Variants in HSH2D observed in about 807,000 individuals in gnomAD.
HSH2D encodes the protein hematopoietic SH2 domain containing.
A neutral mutation model predicts 21.5 loss-of-function variants in HSH2D; 16 were observed. The ratio of observed to expected loss-of-function variants is 0.74; its 90% confidence interval spans 0.50 to 1.13. The LOEUF (loss-of-function observed/expected upper bound fraction) is 1.13. HSH2D is among the 50% of genes most tolerant of loss of function. HSH2D has a pLI of 0.00. For missense variants in HSH2D, 418 were observed against 441.4 expected, an observed-to-expected ratio of 0.95 and a Z score of 0.47; for synonymous variants, 172 against 184.7, an observed-to-expected ratio of 0.93 and a Z score of 0.56.
chr19:16,153,657 C>A (rs2091196155), intron 4 of HSH2D, among the ~76,000 whole-genome samples: 1 of 138,682 alleles, frequency 7.2e-6, no homozygotes, highest in Non-Finnish European at 1.5e-5. Context: ...GGTGGAGCAT[C>A]TTTCCTTAGA....
chr19:16,135,356 G>T (rs947043866), intron 1 of HSH2D, among the ~76,000 whole-genome samples: 2 of 151,970 alleles, frequency 1.3e-5, no homozygotes, highest in African/African-American at 2.4e-5. Context: ...TTGAGCCCAG[G>T]AGTTGGAGGC....
chr19:16,156,009 G>A (rs2091232078), intron 5 of HSH2D, among the ~76,000 whole-genome samples: 1 of 147,758 alleles, frequency 6.8e-6, no homozygotes. Flanking sequence ...TGGGGGTGGA[G>A]GACAGTGTCA....
chr19:16,138,042 A>G lies in HSH2D; in HGVS notation c.-324+3807A>G, dbSNP rs549249494. On this transcript the variant is annotated intron_variant, in intron 1 of 7. Transcript: ENST00000616645. ...GCCACCACGCCTGGCTAATTTTTGT[A>G]TTTTTAGTAGAGATGGAGTTTCACC... is the stretch of plus-strand genomic sequence containing the variant. 9.2e-5 allele frequency among the ~76,000 whole-genome samples: 14 copies of G among 151,664 alleles called. 1 individual carries two copies. In the South Asian group the frequency reaches 2.9e-3, roughly 32 times the overall value.
intron 1 of HSH2D, among the ~76,000 whole-genome samples, chr19:16,147,286 A>T (rs1488171628): frequency 6.6e-6 from 1 of 151,680 alleles, no homozygotes; most frequent in Non-Finnish European, 1.5e-5. Context: ...GGAGTTTGAG[A>T]CCAATGTGGG....
At chr19:16,147,734 C>T (rs544991577) in intron 1 of HSH2D, among the ~76,000 whole-genome samples, 1 of 151,668 alleles carries the variant, frequency 6.6e-6, no homozygotes, top group Non-Finnish European at 1.5e-5. Context: ...CAGCCTCCGC[C>T]TCCTGGGGTC....
upstream of HSH2D, among the ~76,000 whole-genome samples, chr19:16,140,581 G>A (rs186557897): frequency 7.0e-4 from 106 of 152,078 alleles, no homozygotes; most frequent in East Asian, 0.02. Flanking sequence ...CTCCAGCCGG[G>A]GCGATAGAAC....
chr19:16,134,929 A>C (rs1022448486), intron 1 of HSH2D, among the ~76,000 whole-genome samples: 1 of 149,550 alleles, frequency 6.7e-6, no homozygotes, highest in African/African-American at 2.4e-5. Context: ...GTTAAAGACC[A>C]TCCTGGACAA....
chr19:16,138,916 T>A (rs1308716487), upstream of HSH2D, among the ~76,000 whole-genome samples: 1 of 151,776 alleles, frequency 6.6e-6, no homozygotes, highest in Non-Finnish European at 1.5e-5. Context: ...TGGAGTGCAG[T>A]GGCATGATCT....
chr19:16,134,960 A>T (rs1419815581), intron 1 of HSH2D, among the ~76,000 whole-genome samples: 4 of 126,214 alleles, frequency 3.2e-5, no homozygotes, highest in East Asian at 4.2e-4. Flanking sequence ...CCCCATCTCT[A>T]AAAAAAAAAA....
chr19:16,145,268 A>G (rs2091052915), intron 1 of HSH2D, among the ~76,000 whole-genome samples: 1 of 151,990 alleles, frequency 6.6e-6, no homozygotes, highest in African/African-American at 2.4e-5. Flanking sequence ...GCTGGAGTGC[A>G]GTGGCTCGAT....
chr19:16,139,507 G>A (rs146983628), upstream of HSH2D, among the ~76,000 whole-genome samples: 244 of 152,284 alleles, frequency 1.6e-3, no homozygotes, highest in Non-Finnish European at 2.1e-3. Flanking sequence ...ACTTGAGCCC[G>A]GGAGTTTGAG....
chr19:16,137,166 G>C (rs1343018380), intron 1 of HSH2D, among the ~76,000 whole-genome samples: 3 of 152,188 alleles, frequency 2.0e-5, no homozygotes, highest in Middle Eastern at 3.4e-3. Flanking sequence ...TGCAAAATAG[G>C]GGGGATCATA....
upstream of HSH2D, among the ~76,000 whole-genome samples, chr19:16,140,434 G>A (rs1283921279): frequency 6.6e-6 from 1 of 152,100 alleles, no homozygotes; most frequent in Non-Finnish European, 1.5e-5. Context: ...GTGAAACCCT[G>A]TCTCTACTAA....
At chr19:16,147,751 T>C (rs1470818881) in intron 1 of HSH2D, among the ~76,000 whole-genome samples, 1 of 151,326 alleles carries the variant, frequency 6.6e-6, no homozygotes, top group Non-Finnish European at 1.5e-5. Flanking sequence ...GGTCAAGTGA[T>C]TCTCGTGCCT....
intron 1 of HSH2D, among the ~76,000 whole-genome samples, chr19:16,137,587 A>G (rs908956219): frequency 1.3e-4 from 19 of 151,524 alleles, no homozygotes; most frequent in Admixed American, 1.0e-3. Flanking sequence ...AAAAAAAAAA[A>G]AAAAGAAAAA....
At chr19:16,147,343 G>C (rs879804641) in intron 1 of HSH2D, among the ~76,000 whole-genome samples, 1 of 151,526 alleles carries the variant, frequency 6.6e-6, no homozygotes, top group Non-Finnish European at 1.5e-5. Flanking sequence ...AATTAGCCAG[G>C]CGTGGTGGCA....
chr19:16,149,015 C>T (rs1438653326), intron 2 of HSH2D, 140 bp downstream of exon 2: 4 of 904,854 alleles, frequency 4.4e-6, no homozygotes, highest in Non-Finnish European at 6.5e-6. Context: ...TCCAGGCTCC[C>T]AGGCTTGAAT....
intron 4 of HSH2D, among the ~76,000 whole-genome samples, chr19:16,153,691 C>G (rs1277478908): frequency 1.3e-5 from 2 of 150,246 alleles, no homozygotes; most frequent in Admixed American, 6.6e-5. Flanking sequence ...TGGCCTGGCT[C>G]CCAATACGCT....
At chr19:16,145,506 C>A (rs1229123714) in intron 1 of HSH2D, among the ~76,000 whole-genome samples, 1 of 152,192 alleles carries the variant, frequency 6.6e-6, no homozygotes, top group Non-Finnish European at 1.5e-5. Context: ...AGCTACTGCA[C>A]CCAGCCTCCA....
Sources: gnomAD v4.1 joint callset for allele counts (sites outside exome capture counted in the v4.1 genomes callset) on GRCh38, gnomAD v4.1.1 for gene constraint, MANE v1.5 for transcripts, NCBI Gene and HGNC (gene_info 2026-07-23, HGNC 2026-07-21) for gene names.